SDK1: variants seen among roughly 807,000 people sequenced by gnomAD.
SDK1 encodes sidekick cell adhesion molecule 1, also known as protein sidekick-1.
A neutral mutation model predicts 245.5 loss-of-function variants in SDK1; 157 were observed. The ratio of observed to expected loss-of-function variants is 0.64; its 90% confidence interval spans 0.56 to 0.73. The LOEUF is 0.73. SDK1 is among the 30% of genes least tolerant of loss of function. The probability of loss-of-function intolerance (pLI) is 0.00; values close to 1 mark genes in which losing one functional copy is unlikely to be tolerated. For missense variants in SDK1, 3,583 were observed against 3,002.3 expected, an observed-to-expected ratio of 1.19 and a Z score of -4.52; for synonymous variants, 1,647 against 1,278.5, an observed-to-expected ratio of 1.29 and a Z score of -6.15.
chr7:4,185,656 C>A (rs1782845653), intron 35 of SDK1, among the ~76,000 whole-genome samples: 1 of 152,188 alleles, frequency 6.6e-6, no homozygotes, highest in African/African-American at 2.4e-5. Context: ...CTGTTTCTTC[C>A]TCTGCTCCAG....
chr7:3,518,167 T>C (rs1782810335), intron 1 of SDK1, among the ~76,000 whole-genome samples: 1 of 152,128 alleles, frequency 6.6e-6, no homozygotes, highest in African/African-American at 2.4e-5. Context: ...GGCAGGAAAA[T>C]ACATTGTTTA....
At chr7:3,309,391 A>G (rs1779496419) in intron 1 of SDK1, among the ~76,000 whole-genome samples, 3 of 149,658 alleles carry the variant, frequency 2.0e-5, no homozygotes, top group African/African-American at 7.4e-5. Flanking sequence ...TTTTCCTTCC[A>G]TGATTCACCA....
At chr7:4,126,752 C>T (rs907987249) in intron 25 of SDK1, among the ~76,000 whole-genome samples, 8 of 152,204 alleles carry the variant, frequency 5.3e-5, no homozygotes, top group African/African-American at 1.9e-4. Flanking sequence ...GCATGGCTGG[C>T]CTCGGCTGCC....
At chr7:3,780,424 G>C (rs1780696247) in intron 4 of SDK1, among the ~76,000 whole-genome samples, 1 of 152,254 alleles carries the variant, frequency 6.6e-6, no homozygotes, top group South Asian at 2.1e-4. Context: ...ATGGTTACCA[G>C]CACATGGATC....
intron 1 of SDK1, among the ~76,000 whole-genome samples, chr7:3,353,331 C>T (rs372465054): frequency 1.3e-5 from 2 of 152,090 alleles, no homozygotes; most frequent in East Asian, 3.9e-4. Context: ...AAATTGATGG[C>T]ATTTGGAATA....
At chr7:4,226,331 C>G (rs984260209) in intron 40 of SDK1, among the ~76,000 whole-genome samples, 4 of 152,214 alleles carry the variant, frequency 2.6e-5, no homozygotes, top group African/African-American at 9.6e-5. Flanking sequence ...TGATGTCTCT[C>G]TATCCAGCTG....
chr7:3,757,219 C>T (rs1178385278), intron 4 of SDK1, among the ~76,000 whole-genome samples: 1 of 152,084 alleles, frequency 6.6e-6, no homozygotes, highest in Non-Finnish European at 1.5e-5. Flanking sequence ...CCCAAAACCC[C>T]CTCCTTGGGC....
intron 4 of SDK1, among the ~76,000 whole-genome samples, chr7:3,650,671 C>G (rs898617712): frequency 6.6e-5 from 10 of 152,154 alleles, no homozygotes; most frequent in African/African-American, 2.2e-4. Context: ...TAGGATTTCT[C>G]TTATTAACCT....
chr7:3,306,190 T>C (rs1323916320), intron 1 of SDK1, among the ~76,000 whole-genome samples: 1 of 152,182 alleles, frequency 6.6e-6, no homozygotes, highest in Non-Finnish European at 1.5e-5. Flanking sequence ...ATAAACCTTA[T>C]TTACGATTAT....
rs774589584 is a variant in SDK1 at position 3,969,330 on chromosome 7, C to T, written c.1620C>T (p.Ile540=). The change falls in exon 11 of 45, where the codon ATC becomes ATT. Residue 540 remains isoleucine (I), a synonymous_variant. Transcript: ENST00000404826. The part of the protein sequence containing the change: ...FMLLESGGLQ[I]APVFIQDAGN... ...TTCTTGAATCGGGGGGTCTACAGAT[C>T]GCGCCCGTCTTCATCCAGGATGCCG... The T allele has an allele frequency of 2.9e-5, 47 of 1,610,982 alleles. No individual in the cohort carries two copies. Among genetic ancestry groups the T allele is most frequent in the African/African-American group, 4.0e-5 (3 of 74,818 alleles).
At chr7:3,897,484 A>C (rs1028340241) in intron 5 of SDK1, among the ~76,000 whole-genome samples, 5 of 152,154 alleles carry the variant, frequency 3.3e-5, no homozygotes, top group African/African-American at 1.2e-4. Context: ...GACTTATCTC[A>C]GCATAATGTC....
intron 14 of SDK1, among the ~76,000 whole-genome samples, chr7:4,006,164 A>G (rs1785473124): frequency 6.6e-6 from 1 of 152,164 alleles, no homozygotes; most frequent in Admixed American, 6.5e-5. Flanking sequence ...TATTGGAAAA[A>G]GCTTCCAGTA....
intron 1 of SDK1, among the ~76,000 whole-genome samples, chr7:3,495,807 C>T (rs955838416): frequency 2.4e-4 from 36 of 152,210 alleles, no homozygotes; most frequent in Non-Finnish European, 2.9e-5. Flanking sequence ...TGCCTTTGCA[C>T]GAGCTGGTCC....
intron 2 of SDK1, among the ~76,000 whole-genome samples, chr7:3,626,302 G>T (rs1210328608): frequency 6.6e-6 from 1 of 152,164 alleles, no homozygotes; most frequent in Non-Finnish European, 1.5e-5. Flanking sequence ...GAACCCCTCA[G>T]TGTAACTTGT....
chr7:3,495,679 C>T (rs139610709), intron 1 of SDK1, among the ~76,000 whole-genome samples: 2 of 152,232 alleles, frequency 1.3e-5, no homozygotes, highest in Non-Finnish European at 2.9e-5. Flanking sequence ...ACCAACTACT[C>T]CGTGTGGTTC....
Position 3,386,061 on chromosome 7 carries a change from A to T in SDK1, c.298+84177A>T, listed in dbSNP as rs549211758. Among the ~76,000 whole-genome samples the T allele has an allele frequency of 2.0e-4, 31 of 152,284 alleles. 1 individual carries two copies. Among genetic ancestry groups the T allele is most frequent in the African/African-American group, 6.7e-4 (28 of 41,560 alleles). Reference sequence around the variant, plus strand: ...TAATATTACTCAAATAAACGATGGGAAAATGTTTCTCTTGACAGGATTGAG... The same window carrying T: ...TAATATTACTCAAATAAACGATGGGTAAATGTTTCTCTTGACAGGATTGAG... On this transcript the variant is annotated intron_variant, in intron 1 of 44. Coordinates refer to ENST00000404826, the MANE Select transcript of SDK1 (RefSeq NM_152744.4).
intron 19 of SDK1, among the ~76,000 whole-genome samples, chr7:4,058,965 T>A (rs1046342123): frequency 6.6e-6 from 1 of 152,044 alleles, no homozygotes; most frequent in Non-Finnish European, 1.5e-5. Context: ...GACCCAAATG[T>A]TACCACTACA....
rs540048635 is a variant in SDK1 at position 3,598,716 on chromosome 7, T to G, written c.299-20364T>G. ...TATATAAAAGGAATCACACTGTGTGTGACCTTTTGGGATCACATTTTTGTC... is the reference window on the plus strand; with the variant it reads ...TATATAAAAGGAATCACACTGTGTGGGACCTTTTGGGATCACATTTTTGTC... On this transcript the variant is annotated intron_variant, in intron 1 of 44. Coordinates refer to ENST00000404826, the MANE Select transcript of SDK1 (RefSeq NM_152744.4). 2.4e-3 allele frequency among the ~76,000 whole-genome samples: 366 copies of G among 152,352 alleles called. 3 individuals are homozygous for G. Among genetic ancestry groups the G allele is most frequent in the South Asian group, 0.017 (83 of 4,826 alleles).
chr7:3,740,020 G>A (rs986524324), intron 4 of SDK1, among the ~76,000 whole-genome samples: 2 of 152,166 alleles, frequency 1.3e-5, no homozygotes, highest in African/African-American at 4.8e-5. Flanking sequence ...AGTTAGCTAA[G>A]TGGTCATCTA....
Sources: allele counts gnomAD v4.1 joint callset (sites outside exome capture counted in the v4.1 genomes callset), GRCh38; gene constraint gnomAD v4.1.1; transcripts MANE v1.5; gene names NCBI Gene and HGNC (gene_info 2026-07-23, HGNC 2026-07-21).